GALNTL5: variants seen among roughly 807,000 people sequenced by gnomAD.
GALNTL5 encodes the protein inactive polypeptide N-acetylgalactosaminyltransferase-like protein 5.
In GALNTL5, 44 loss-of-function variants were observed where a neutral mutation model predicts 51.0. The ratio of observed to expected loss-of-function variants is 0.86; its 90% confidence interval spans 0.68 to 1.11. The LOEUF is 1.11. Ranked by LOEUF, GALNTL5 falls within the 50% of genes least tolerant of loss-of-function variation. The pLI, the probability that GALNTL5 is intolerant of heterozygous loss-of-function variation, is 0.00. For synonymous variants in GALNTL5, 192 were observed against 182.8 expected, an observed-to-expected ratio of 1.05 and a Z score of -0.41; for missense variants, 528 against 531.8, an observed-to-expected ratio of 0.99 and a Z score of 0.07.
chr7:152,018,415 G>A (rs191190514), intron 8 of GALNTL5, among the ~76,000 whole-genome samples: 4 of 152,018 alleles, frequency 2.6e-5, no homozygotes, highest in African/African-American at 9.6e-5. Flanking sequence ...GTTTAAAATT[G>A]TATTTCATTA....
intron 3 of GALNTL5, among the ~76,000 whole-genome samples, chr7:151,982,440 A>G (rs1390490589): frequency 6.6e-6 from 1 of 152,190 alleles, no homozygotes; most frequent in Non-Finnish European, 1.5e-5. Flanking sequence ...ATAAAAATGA[A>G]ATAAAGCATT....
In GALNTL5 at chr7:151,970,839, A is replaced by G. The variant is rs554233159; in HGVS notation, c.248-106A>G. 16 of 920,212 alleles carry G rather than the reference A, an allele frequency of 1.7e-5. No homozygotes were observed. The Admixed American group carries it at 3.8e-4, about 22-fold the overall frequency. The allele number at this position is 920,212 out of a possible 1,614,324, so 57.0% of individuals were successfully genotyped here. A position where few individuals can be genotyped will look rare whatever the true frequency, so the allele number is the denominator to read the frequency against. On this transcript the variant is annotated intron_variant, in intron 2 of 8. Transcript: ENST00000392800. Reference sequence around the variant, plus strand: ...TTGCACAGATCGATTTCCGAATTCTATTCTGGTTCTTTTAAAAAATTGTTT... The same window carrying G: ...TTGCACAGATCGATTTCCGAATTCTGTTCTGGTTCTTTTAAAAAATTGTTT...
chr7:152,007,830 A>G lies in GALNTL5; in HGVS notation c.912A>G (p.Ser304=). 3 of 1,565,012 alleles carry G rather than the reference A, an allele frequency of 1.9e-6. No individual in the cohort carries two copies. Among genetic ancestry groups the G allele is most frequent in the Non-Finnish European group, 2.6e-6 (3 of 1,135,682 alleles). Reference sequence around the variant, plus strand: ...CATATTTATGTCCCCTTTCTAGGTCACCTGCAATGTCTGGAGGAATTTTTG... The same window carrying G: ...CATATTTATGTCCCCTTTCTAGGTCGCCTGCAATGTCTGGAGGAATTTTTG... ...GPEGSTKPIR[S]PAMSGGIFAI... Residue 304 remains serine (S), a synonymous_variant, in exon 7 of 9, where the codon TCA becomes TCG. Coordinates refer to ENST00000392800, the MANE Select transcript of GALNTL5 (RefSeq NM_145292.4).
Position 151,967,404 on chromosome 7 carries a change from A to G in GALNTL5, c.158A>G (p.His53Arg). The change falls in exon 2 of 9, where the codon CAT becomes CGT. Residue 53 changes from histidine (H) to arginine (R), a missense_variant. By Grantham distance (29) the His-to-Arg change is conservative (BLOSUM62 0). Coordinates refer to ENST00000392800, the MANE Select transcript of GALNTL5 (RefSeq NM_145292.4). Reference protein sequence around the residue: ...LSAWSPGKKVHQQIIYGSEQI... With the variant: ...LSAWSPGKKVRQQIIYGSEQI... ...GCTTGGTCCCCTGGAAAAAAAGTGC[A>G]TCAGCAAATTATCTATGGCTCAGAG... 1.2e-6 allele frequency: 2 copies of G among 1,614,200 alleles called. No individual in the cohort carries two copies. The highest frequency in any genetic ancestry group is 1.7e-6 in the Non-Finnish European group (2 of 1,180,020).
rs1370812565 is a variant in GALNTL5, at chr7:152,019,550, A to C, written c.1177-96A>C. The C allele has an allele frequency of 2.0e-5, 25 of 1,243,964 alleles. No individual in the cohort carries two copies. In the Admixed American group the frequency reaches 3.2e-4, roughly 16 times the overall value. The allele number at this position is 1,243,964 out of a possible 1,614,324, so 77.1% of individuals were successfully genotyped here. A position where few individuals can be genotyped will look rare whatever the true frequency, so the allele number is the denominator to read the frequency against. On this transcript the variant is annotated intron_variant, in intron 8 of 8. Coordinates refer to ENST00000392800, the MANE Select transcript of GALNTL5 (RefSeq NM_145292.4). ...GATCTGGAGGGCTTTTTTAGTTCAC[A>C]TGATGAAAATACATGCGTCTATGTT...
chr7:151,983,518 T>C (rs1359688381), intron 4 of GALNTL5, among the ~76,000 whole-genome samples: 1 of 152,122 alleles, frequency 6.6e-6, no homozygotes, highest in Admixed American at 6.5e-5. Flanking sequence ...CCGATGGCAC[T>C]TGAGTATTTT....
intron 5 of GALNTL5, among the ~76,000 whole-genome samples, chr7:151,991,255 G>T (rs1366726255): frequency 6.6e-6 from 1 of 152,010 alleles, no homozygotes; most frequent in Admixed American, 6.6e-5. Context: ...ACCACACCCG[G>T]CTAGTTTTTG....
chr7:151,997,761 A>G (rs1190762134), intron 5 of GALNTL5, among the ~76,000 whole-genome samples: 5 of 152,222 alleles, frequency 3.3e-5, no homozygotes, highest in Admixed American at 6.5e-5. Flanking sequence ...ACAAATCTGT[A>G]TGGGAAAAAA....
intron 2 of GALNTL5, among the ~76,000 whole-genome samples, chr7:151,968,751 G>A (rs867174785): frequency 7.2e-5 from 11 of 152,202 alleles, no homozygotes; most frequent in African/African-American, 2.2e-4. Flanking sequence ...GTGAGTGTAC[G>A]AGAATCCCAT....
intron 6 of GALNTL5, among the ~76,000 whole-genome samples, 194 bp downstream of exon 6, chr7:152,003,157 T>C (rs1037651779): frequency 7.9e-5 from 12 of 152,258 alleles, no homozygotes; most frequent in African/African-American, 2.9e-4. Context: ...TAACGTGATA[T>C]GATATTTATC....
intron 5 of GALNTL5, among the ~76,000 whole-genome samples, chr7:151,988,178 C>T (rs2151949798): frequency 6.6e-6 from 1 of 152,312 alleles, no homozygotes; most frequent in East Asian, 1.9e-4. Flanking sequence ...CACTGCCCTC[C>T]CCTGGGGGCA....
chr7:151,980,737 A>ATTTTTTTTTTTTTTTTT (rs61288964), intron 3 of GALNTL5, among the ~76,000 whole-genome samples: 1 of 98,966 alleles, frequency 1.0e-5, no homozygotes, highest in African/African-American at 4.7e-5. Flanking sequence ...GCTAACAATG[A>ATTTTTTTTTTTTTTTTT]TTTTTTTTTT....
At chr7:152,005,224 A>AACAC (rs368754399) in intron 6 of GALNTL5, among the ~76,000 whole-genome samples, 1 of 64,478 alleles carries the variant, frequency 1.6e-5, no homozygotes, top group Admixed American at 1.3e-4. Flanking sequence ...TGGAAAACTT[A>AACAC]ACACACACAC....
At position 151,971,101 on chromosome 7, in the gene GALNTL5, A is replaced by AGAT. The variant is rs1424177820; in HGVS notation, c.368+37_368+39dup. 5.6e-6 allele frequency: 6 copies of AGAT among 1,063,784 alleles called. No individual in the cohort carries two copies. In the South Asian group the frequency reaches 7.0e-5, roughly 12 times the overall value. The allele number at this position is 1,063,784 out of a possible 1,614,324, so 65.9% of individuals were successfully genotyped here. Reference sequence around the variant, plus strand: ...TCTCTCTTTCTCTCATTCTCTAGATAGATAGATAGATAGATAGATAGATAG... The same window carrying AGAT: ...TCTCTCTTTCTCTCATTCTCTAGATAGATGATAGATAGATAGATAGATAGATAG... On this transcript the variant is annotated intron_variant, in intron 3 of 8. Transcript: ENST00000392800.
At chr7:151,966,991 G>A (rs114821107) in intron 1 of GALNTL5, among the ~76,000 whole-genome samples, 422 of 152,256 alleles carry the variant, frequency 2.8e-3, no homozygotes, top group African/African-American at 9.6e-3. Context: ...GACACCGTAT[G>A]TTTTATAAGC....
intron 3 of GALNTL5, 44 bp downstream of exon 3, chr7:151,971,109 A>AGATAGATAGAT (rs2081130932): frequency 8.5e-7 from 1 of 1,182,152 alleles, no homozygotes; most frequent in African/African-American, 1.6e-5. Flanking sequence ...ATAGATAGAT[A>AGATAGATAGAT]GATAGATAGA....
At chr7:152,012,824 G>C (rs2081755387) in intron 7 of GALNTL5, among the ~76,000 whole-genome samples, 1 of 152,108 alleles carries the variant, frequency 6.6e-6, no homozygotes, top group South Asian at 2.1e-4. Flanking sequence ...AAAATGAGCT[G>C]GGTTTGGCAG....
At chr7:151,980,841 G>C (rs576689130) in intron 3 of GALNTL5, among the ~76,000 whole-genome samples, 8 of 140,610 alleles carry the variant, frequency 5.7e-5, no homozygotes, top group Non-Finnish European at 1.2e-4. Flanking sequence ...CGCCTCCTGG[G>C]TTCACGCCAT....
intron 5 of GALNTL5, among the ~76,000 whole-genome samples, chr7:151,995,925 T>C (rs1226459874): frequency 6.6e-6 from 1 of 152,166 alleles, no homozygotes; most frequent in Non-Finnish European, 1.5e-5. Context: ...CTAGGTCACG[T>C]TACTCCAGGC....
Sources: allele counts gnomAD v4.1 joint callset (sites outside exome capture counted in the v4.1 genomes callset), GRCh38; gene constraint gnomAD v4.1.1; transcripts MANE v1.5; gene names NCBI Gene and HGNC (gene_info 2026-07-23, HGNC 2026-07-21).